Variants in TRPS1 observed in about 807,000 individuals in gnomAD.
The protein encoded by TRPS1 is transcriptional repressor GATA binding 1, also known as zinc finger transcription factor Trps1.
Under a neutral mutation model 101.2 loss-of-function variants are expected in TRPS1, and 6 were observed. That is an observed-to-expected ratio of 0.06 (90% CI 0.03 to 0.12). The LOEUF is 0.12. TRPS1 is among the 10% of genes least tolerant of loss of function. TRPS1 has a pLI of 1.00. For missense variants in TRPS1, 1,363 were observed against 1,567.0 expected, an observed-to-expected ratio of 0.87 and a Z score of 2.20; for synonymous variants, 578 against 589.8, an observed-to-expected ratio of 0.98 and a Z score of 0.29.
intron 5 of TRPS1, among the ~76,000 whole-genome samples, chr8:115,568,137 C>T (rs887940985): frequency 6.6e-6 from 1 of 152,000 alleles, no homozygotes; most frequent in Non-Finnish European, 1.5e-5. Context: ...TGTACTTCTT[C>T]CCAGAAGGCA....
At chr8:115,646,668 G>A (rs1819031650) in intron 1 of TRPS1, among the ~76,000 whole-genome samples, 1 of 152,104 alleles carries the variant, frequency 6.6e-6, no homozygotes, top group South Asian at 2.1e-4. Flanking sequence ...TAAAGCCAGT[G>A]TTTCTGGTGC....
chr8:115,438,337 G>T (rs901649547), intron 5 of TRPS1, among the ~76,000 whole-genome samples: 1 of 152,218 alleles, frequency 6.6e-6, no homozygotes, highest in Admixed American at 6.5e-5. Flanking sequence ...AATGGTAAAA[G>T]ACATGACCCA....
Position 115,471,411 on chromosome 8 carries a change from G to T in TRPS1, c.2701-52959C>A, listed in dbSNP as rs199507616. On this transcript the variant is annotated intron_variant, in intron 5 of 6. Coordinates refer to ENST00000395715, the MANE Select transcript of TRPS1 (RefSeq NM_014112.5). ...CTCACTTACTATCATGAGAACAGCA[G>T]CATTGGGGTAACCGCCCCCATGATT... Among the ~76,000 whole-genome samples the T allele has an allele frequency of 2.9e-4, 44 of 152,290 alleles. No individual in the cohort carries two copies. The East Asian group carries it at 6.4e-3, about 22-fold the overall frequency.
In TRPS1 at chr8:115,603,984, T is replaced by C. The variant is rs1275148480; in HGVS notation, c.1985A>G (p.Asn662Ser). The C allele has an allele frequency of 6.2e-7, 1 of 1,613,874 alleles. No homozygotes were observed. Among genetic ancestry groups the C allele is most frequent in the Non-Finnish European group, 8.5e-7 (1 of 1,179,978 alleles). The change falls in exon 4 of 7, where the codon AAT (asparagine) becomes AGT (serine). Residue 662 changes from asparagine to serine, a missense_variant. Physicochemically the swap from Asn to Ser is conservative, Grantham distance 46 (BLOSUM62 1). Coordinates refer to ENST00000395715, the MANE Select transcript of TRPS1 (RefSeq NM_014112.5). The stretch of plus-strand genomic sequence containing the variant: ...CTGCCCATCCGATCCTTGCAGGTGA[T>C]TTGCTTCTTGTTTGACATCCGATGC... ...SQASDVKQEANHLQGSDGQQS... is the reference protein window; with the variant it reads ...SQASDVKQEASHLQGSDGQQS...
At chr8:115,639,490 A>AG (rs1161454643) in intron 1 of TRPS1, among the ~76,000 whole-genome samples, 1 of 152,196 alleles carries the variant, frequency 6.6e-6, no homozygotes, top group African/African-American at 2.4e-5. Context: ...TTATGCTTTA[A>AG]GATCAATGTT....
At position 115,535,282 on chromosome 8, in the gene TRPS1, T is replaced by TAG. The variant is rs752948969; in HGVS notation, c.2700+51717_2700+51718dup. Among the ~76,000 whole-genome samples, 999 of 142,298 alleles carry TAG rather than the reference T, an allele frequency of 7.0e-3. 45 individuals carry two copies. Among genetic ancestry groups the TAG allele is most frequent in the African/African-American group, 0.025 (942 of 37,924 alleles). 93.4% of individuals were successfully genotyped at this position (142,298 alleles called of 152,430 possible). A position where few individuals can be genotyped will look rare whatever the true frequency, so the allele number is the denominator to read the frequency against. On this transcript the variant is annotated intron_variant, in intron 5 of 6. Coordinates refer to ENST00000395715, the MANE Select transcript of TRPS1 (RefSeq NM_014112.5). ...ATATATAGCATATATATAGCATATA[T>TAG]AGCATATATATAGCATATATATAGC...
At chr8:115,519,939 C>T (rs1190433366) in intron 5 of TRPS1, among the ~76,000 whole-genome samples, 4 of 151,812 alleles carry the variant, frequency 2.6e-5, no homozygotes, top group Admixed American at 6.6e-5. Flanking sequence ...AAATTTGTAA[C>T]TATATTTTGG....
intron 5 of TRPS1, among the ~76,000 whole-genome samples, chr8:115,457,955 A>G (rs1363682478): frequency 6.6e-6 from 1 of 152,186 alleles, no homozygotes; most frequent in Non-Finnish European, 1.5e-5. Flanking sequence ...TGTGGAATAT[A>G]AATTGGAGAA....
intron 2 of TRPS1, among the ~76,000 whole-genome samples, chr8:115,621,652 C>T (rs1055563052): frequency 5.3e-5 from 8 of 152,176 alleles, no homozygotes; most frequent in South Asian, 4.1e-4. Flanking sequence ...CAGGGGCTCA[C>T]GCCTGTAATC....
At position 115,619,663 on chromosome 8, in the gene TRPS1, C is replaced by G. The variant is rs1435223051; in HGVS notation, c.435G>C (p.Glu145Asp). The change falls in exon 3 of 7, where the codon GAG becomes GAC. Residue 145 changes from glutamate (E) to aspartate (D), a missense_variant. Physicochemically the swap from Glu to Asp is conservative, Grantham distance 45 (BLOSUM62 2). Around this residue, in one of 5 missense-constraint regions of TRPS1, gnomAD observed 1,020 missense variants for 1,073.0 expected, o/e 0.95. Transcript: ENST00000395715. ...CEPLKSPQRA[E>D]ADDPQDMACT... ...AGGCCATATCTTGAGGGTCATCTGCCTCTGCTCTTTGCGGAGACTTCAAGG... is the reference window on the plus strand; with the variant it reads ...AGGCCATATCTTGAGGGTCATCTGCGTCTGCTCTTTGCGGAGACTTCAAGG... 9.3e-6 allele frequency: 15 copies of G among 1,614,096 alleles called. No individual in the cohort carries two copies. Among genetic ancestry groups the G allele is most frequent in the Non-Finnish European group, 1.3e-5 (15 of 1,180,046 alleles).
At chr8:115,656,036 G>A (rs1052293911) in intron 1 of TRPS1, among the ~76,000 whole-genome samples, 1 of 152,064 alleles carries the variant, frequency 6.6e-6, no homozygotes, top group Non-Finnish European at 1.5e-5. Flanking sequence ...TACTAGCAAC[G>A]GAAATAATGA....
At chr8:115,469,826 G>T (rs1031517987) in intron 5 of TRPS1, among the ~76,000 whole-genome samples, 27 of 152,146 alleles carry the variant, frequency 1.8e-4, no homozygotes, top group African/African-American at 6.3e-4. Flanking sequence ...ACCGTGCCCA[G>T]CCTGGTTTGT....
At chr8:115,440,734 T>TATA (rs1359098277) in intron 5 of TRPS1, among the ~76,000 whole-genome samples, 2 of 152,196 alleles carry the variant, frequency 1.3e-5, no homozygotes, top group African/African-American at 2.4e-5. Context: ...TTGCAGAGTA[T>TATA]ATACAGTAAG....
chr8:115,422,439 C>T (rs1356149974), intron 5 of TRPS1, among the ~76,000 whole-genome samples: 1 of 151,820 alleles, frequency 6.6e-6, no homozygotes, highest in East Asian at 1.9e-4. Flanking sequence ...CGATCTCGGC[C>T]CACTGCCACC....
At chr8:115,441,198 G>A (rs772778844) in intron 5 of TRPS1, among the ~76,000 whole-genome samples, 2 of 152,220 alleles carry the variant, frequency 1.3e-5, no homozygotes, top group Non-Finnish European at 2.9e-5. Context: ...TTCAGAGGCT[G>A]TAATTAGAGC....
intron 5 of TRPS1, among the ~76,000 whole-genome samples, chr8:115,470,274 A>G (rs1228602768): frequency 1.3e-5 from 2 of 152,222 alleles, no homozygotes; most frequent in Non-Finnish European, 2.9e-5. Flanking sequence ...TGAAATAAGA[A>G]ATAATGCAAT....
At chr8:115,618,693 C>A (rs1279620761) in intron 3 of TRPS1, among the ~76,000 whole-genome samples, 2 of 152,174 alleles carry the variant, frequency 1.3e-5, no homozygotes, top group Non-Finnish European at 2.9e-5. Context: ...AATATAAAAT[C>A]AAATCCTAAT....
chr8:115,526,648 C>A (rs1816006340), intron 5 of TRPS1, among the ~76,000 whole-genome samples: 1 of 152,030 alleles, frequency 6.6e-6, no homozygotes, highest in African/African-American at 2.4e-5. Flanking sequence ...CAAATTCATG[C>A]CTTATATAGA....
chr8:115,580,270 G>A (rs1011666231), intron 5 of TRPS1, among the ~76,000 whole-genome samples: 4 of 149,344 alleles, frequency 2.7e-5, no homozygotes, highest in East Asian at 2.0e-4. Context: ...ATATATGAGA[G>A]ACAATGGAGA....
Sources: gnomAD v4.1 joint callset for allele counts (sites outside exome capture counted in the v4.1 genomes callset) on GRCh38, gnomAD v4.1.1 for gene constraint, gnomAD v4.1.1 regional missense constraint, MANE v1.5 for transcripts, NCBI Gene and HGNC (gene_info 2026-07-23, HGNC 2026-07-21) for gene names.